FNIP1: variants seen among roughly 807,000 people sequenced by gnomAD.
FNIP1 encodes folliculin-interacting protein 1.
A neutral mutation model predicts 124.5 loss-of-function variants in FNIP1; 40 were observed. That is an observed-to-expected ratio of 0.32 (90% CI 0.25 to 0.42). The LOEUF (loss-of-function observed/expected upper bound fraction) is 0.42. Ranked by LOEUF, FNIP1 falls within the 10% of genes least tolerant of loss-of-function variation. The probability of loss-of-function intolerance (pLI) is 1.00; values close to 1 mark genes in which losing one functional copy is unlikely to be tolerated. For missense variants in FNIP1, 1,176 were observed against 1,403.7 expected (o/e 0.84, Z 2.59); for synonymous variants, 472 against 470.6 (o/e 1.00, Z -0.04).
chr5:131,649,015 AT>A (rs988353366), intron 16 of FNIP1, among the ~76,000 whole-genome samples: 3 of 152,192 alleles, frequency 2.0e-5, no homozygotes, highest in African/African-American at 7.2e-5. Flanking sequence ...CTGAATAAAT[AT>A]TGCATTGTAT....
At chr5:131,658,901 T>C (rs1767294557) in intron 15 of FNIP1, among the ~76,000 whole-genome samples, 1 of 45,580 alleles carries the variant, frequency 2.2e-5, no homozygotes. Flanking sequence ...AAATCCTGGG[T>C]CTAGCCAAAA....
At position 131,771,253 on chromosome 5, in the gene FNIP1, T is replaced by C. The variant is rs555526152; in HGVS notation, c.92+25577A>G. 1.8e-4 allele frequency among the ~76,000 whole-genome samples: 28 copies of C among 152,332 alleles called. No homozygotes were observed. In the South Asian group the frequency reaches 5.8e-3, roughly 32 times the overall value. ...TCTACATTATGATTGTCTGTACCTC[T>C]AGTCTGATACTAAAACTTCACATTC... On this transcript the variant is annotated intron_variant, in intron 1 of 17. Transcript: ENST00000510461.
At chr5:131,758,563 T>C (rs1771123942) in intron 1 of FNIP1, among the ~76,000 whole-genome samples, 1 of 152,188 alleles carries the variant, frequency 6.6e-6, no homozygotes, top group African/African-American at 2.4e-5. Context: ...TATTAAGCAA[T>C]TGTATTTAGC....
intron 15 of FNIP1, among the ~76,000 whole-genome samples, chr5:131,659,773 G>A (rs544882087): frequency 6.6e-6 from 1 of 152,330 alleles, no homozygotes; most frequent in Admixed American, 6.5e-5. Context: ...TCTTCTTGTG[G>A]TTGGCCTTGG....
intron 1 of FNIP1, among the ~76,000 whole-genome samples, chr5:131,777,055 G>C (rs1306776655): frequency 6.6e-6 from 1 of 152,024 alleles, no homozygotes; most frequent in Admixed American, 6.6e-5. Flanking sequence ...AACATAGCGA[G>C]ACTCTGTATC....
intron 16 of FNIP1, 73 bp from the exon 17 acceptor site, chr5:131,647,278 C>T: frequency 1.8e-6 from 2 of 1,085,266 alleles, no homozygotes; most frequent in Admixed American, 3.6e-5. Context: ...AACTCCAAAA[C>T]ATAATGTTTT....
chr5:131,713,336 G>A lies in FNIP1; in HGVS notation c.623-2675C>T, dbSNP rs527692858. 2.0e-4 allele frequency among the ~76,000 whole-genome samples: 31 copies of A among 152,082 alleles called. No individual in the cohort carries two copies. The South Asian group carries it at 6.2e-3, about 31-fold the overall frequency. On this transcript the variant is annotated intron_variant, in intron 6 of 17. Transcript: ENST00000510461. ...GCTGGGATTACAGGCGTGAGCCACC[G>A]CGCCCGGCCTCGTACCCCTTCTTAA...
intron 11 of FNIP1, among the ~76,000 whole-genome samples, chr5:131,681,796 A>G (rs2149519697): frequency 6.6e-6 from 1 of 151,966 alleles, no homozygotes; most frequent in East Asian, 1.9e-4. Context: ...CAGAGAGAAA[A>G]CAGAATAAAT....
At chr5:131,702,178 T>C (rs1325370465) in intron 10 of FNIP1, among the ~76,000 whole-genome samples, 1 of 152,124 alleles carries the variant, frequency 6.6e-6, no homozygotes, top group South Asian at 2.1e-4. Flanking sequence ...TATGTGACAA[T>C]GATGTTTTTT....
intron 1 of FNIP1, among the ~76,000 whole-genome samples, chr5:131,761,838 A>G (rs1023533226): frequency 2.0e-5 from 3 of 152,172 alleles, no homozygotes; most frequent in African/African-American, 7.2e-5. Flanking sequence ...CAACTAGAGG[A>G]ATCACATTAC....
At chr5:131,734,569 A>C (rs1425051462) in intron 2 of FNIP1, among the ~76,000 whole-genome samples, 1 of 152,198 alleles carries the variant, frequency 6.6e-6, no homozygotes, top group African/African-American at 2.4e-5. Flanking sequence ...CATCTGACAA[A>C]GGGCTAATAT....
chr5:131,647,000 C>T (rs1766903405), intron 17 of FNIP1, 90 bp downstream of exon 17: 1 of 1,093,932 alleles, frequency 9.1e-7, no homozygotes. Context: ...GGAGAAGACA[C>T]GTAAAAGGAA....
chr5:131,723,614 G>C (rs1441401187), intron 3 of FNIP1, among the ~76,000 whole-genome samples: 1 of 152,040 alleles, frequency 6.6e-6, no homozygotes, highest in Non-Finnish European at 1.5e-5. Flanking sequence ...TATTTAAAAG[G>C]TCTATTCTAA....
intron 1 of FNIP1, among the ~76,000 whole-genome samples, chr5:131,792,291 G>C (rs1445138265): frequency 2.0e-5 from 3 of 151,784 alleles, no homozygotes; most frequent in African/African-American, 7.3e-5. Context: ...CTCCTGAGTA[G>C]CTGGGATTAC....
chr5:131,723,486 T>C (rs1769744922), intron 3 of FNIP1, among the ~76,000 whole-genome samples: 1 of 152,202 alleles, frequency 6.6e-6, no homozygotes, highest in African/African-American at 2.4e-5. Flanking sequence ...TTCTAACATA[T>C]ACTAAATAGT....
chr5:131,795,743 A>G (rs1258347520), intron 1 of FNIP1: 1 of 152,256 alleles, frequency 6.6e-6, no homozygotes, highest in African/African-American at 2.4e-5. Flanking sequence ...AAGAATAGCA[A>G]AATTTCTTAA....
intron 16 of FNIP1, among the ~76,000 whole-genome samples, chr5:131,648,173 T>TAAAAAAAA (rs577945348): frequency 8.8e-6 from 1 of 113,346 alleles, no homozygotes; most frequent in Non-Finnish European, 1.7e-5. Context: ...CTACAAAAAT[T>TAAAAAAAA]AAAAAAAAAA....
At chr5:131,674,220 AAGAG>A (rs1337577920) in intron 13 of FNIP1, among the ~76,000 whole-genome samples, 1 of 152,144 alleles carries the variant, frequency 6.6e-6, no homozygotes, top group Non-Finnish European at 1.5e-5. Flanking sequence ...AAAGGGCAGG[AAGAG>A]AGAGACTCAT....
intron 1 of FNIP1, among the ~76,000 whole-genome samples, chr5:131,758,689 G>C (rs1191723833): frequency 6.6e-6 from 1 of 152,082 alleles, no homozygotes; most frequent in Non-Finnish European, 1.5e-5. Context: ...TTTTTTATCT[G>C]ACACCTTCAA....
Sources: allele counts gnomAD v4.1 joint callset (sites outside exome capture counted in the v4.1 genomes callset), GRCh38; gene constraint gnomAD v4.1.1; transcripts MANE v1.5; gene names NCBI Gene and HGNC (gene_info 2026-07-23, HGNC 2026-07-21).